The following SUGCT variants were observed in gnomAD, a reference collection of about 807,000 sequenced individuals.
SUGCT encodes succinyl-CoA:glutarate-CoA transferase, also known as succinyl-CoA:glutarate CoA-transferase.
A neutral mutation model predicts 55.0 loss-of-function variants in SUGCT; 41 were observed. The observed-to-expected ratio is 0.74, with a 90% CI of 0.58 to 0.97. The LOEUF is 0.97. Ranked by LOEUF, SUGCT falls within the 50% of genes least tolerant of loss-of-function variation. The probability of loss-of-function intolerance (pLI) is 0.00; values close to 1 mark genes in which losing one functional copy is unlikely to be tolerated. For synonymous variants in SUGCT, 187 were observed against 200.4 expected, an observed-to-expected ratio of 0.93 and a Z score of 0.56; for missense variants, 568 against 547.8, an observed-to-expected ratio of 1.04 and a Z score of -0.37.
intron 13 of SUGCT, among the ~76,000 whole-genome samples, chr7:40,762,645 C>G (rs1356296680): frequency 6.6e-6 from 1 of 152,026 alleles, no homozygotes; most frequent in Non-Finnish European, 1.5e-5. Flanking sequence ...GATTATTTTT[C>G]TTTAAAAAGG....
chr7:41,031,023 A>C, the SUGCT span, among the ~76,000 whole-genome samples: 70,681 of 151,878 alleles, frequency 0.47, 16,650 homozygotes, highest in East Asian at 0.56. Context: ...GTGCAGTGAC[A>C]CGATCTCAGC....
At chr7:40,711,351 A>C (rs1785709298) in intron 12 of SUGCT, among the ~76,000 whole-genome samples, 1 of 152,114 alleles carries the variant, frequency 6.6e-6, no homozygotes, top group Non-Finnish European at 1.5e-5. Context: ...CTGTACTAAA[A>C]ATACAAAAAT....
intron 8 of SUGCT, among the ~76,000 whole-genome samples, chr7:40,307,983 G>A (rs1302944392): frequency 6.6e-6 from 1 of 152,188 alleles, no homozygotes; most frequent in Admixed American, 6.5e-5. Flanking sequence ...TTCTACGAAT[G>A]CTAGCCCCTT....
intron 12 of SUGCT, among the ~76,000 whole-genome samples, chr7:40,701,934 A>G (rs1278624427): frequency 6.6e-6 from 1 of 152,234 alleles, no homozygotes; most frequent in East Asian, 1.9e-4. Context: ...CTCCAAGGCC[A>G]TGGTTCTGTC....
chr7:40,415,061 A>ATCT (rs59583043), intron 9 of SUGCT, among the ~76,000 whole-genome samples: 35,236 of 63,524 alleles, frequency 0.55, 8,971 homozygotes, highest in Middle Eastern at 0.65. Flanking sequence ...AAAAAAAAAA[A>ATCT]ATCTATCTAT....
chr7:40,147,650 G>C (rs933525242), intron 1 of SUGCT, among the ~76,000 whole-genome samples: 1 of 152,216 alleles, frequency 6.6e-6, no homozygotes, highest in African/African-American at 2.4e-5. Context: ...CTTTAAGCTA[G>C]GTTGCTGGCC....
chr7:40,972,932 G>A, the SUGCT span, among the ~76,000 whole-genome samples: 1 of 152,098 alleles, frequency 6.6e-6, no homozygotes, highest in African/African-American at 2.4e-5. Context: ...GCTTTCTCAC[G>A]TATAACTATA....
intron 12 of SUGCT, among the ~76,000 whole-genome samples, chr7:40,557,513 C>T (rs1795610879): frequency 6.6e-6 from 1 of 152,190 alleles, no homozygotes; most frequent in Non-Finnish European, 1.5e-5. Flanking sequence ...TGGCTCATGC[C>T]TGTAATCCCA....
chr7:40,975,057 G>A, the SUGCT span, among the ~76,000 whole-genome samples: 2 of 152,184 alleles, frequency 1.3e-5, no homozygotes, highest in South Asian at 4.1e-4. Flanking sequence ...GTGAACAAAT[G>A]TTAATGAAAG....
chr7:40,151,304 T>A (rs1788559151), intron 1 of SUGCT, among the ~76,000 whole-genome samples: 1 of 152,108 alleles, frequency 6.6e-6, no homozygotes, highest in African/African-American at 2.4e-5. Context: ...GTTAGAAAAG[T>A]TAAGAACTGG....
At chr7:40,833,875 T>C (rs1792824336) in intron 13 of SUGCT, among the ~76,000 whole-genome samples, 1 of 152,202 alleles carries the variant, frequency 6.6e-6, no homozygotes, top group South Asian at 2.1e-4. Flanking sequence ...CCAAACTCAT[T>C]AGGATTCAAT....
chr7:40,188,706 A>C, intron 4 of SUGCT, 126 bp downstream of exon 4: 2 of 570,142 alleles, frequency 3.5e-6, no homozygotes, highest in Non-Finnish European at 6.0e-6. Context: ...ATTTCAAATA[A>C]ATTAAAATTC....
chr7:40,283,563 A>G (rs1207240985), intron 8 of SUGCT, among the ~76,000 whole-genome samples: 1 of 152,252 alleles, frequency 6.6e-6, no homozygotes, highest in East Asian at 1.9e-4. Flanking sequence ...CAAGTGGCCA[A>G]CAAGTATCTG....
At chr7:40,146,717 T>C (rs1788267763) in intron 1 of SUGCT, among the ~76,000 whole-genome samples, 1 of 152,204 alleles carries the variant, frequency 6.6e-6, no homozygotes, top group Non-Finnish European at 1.5e-5. Context: ...AACCTTCCAG[T>C]GTGGGCATCA....
intron 13 of SUGCT, among the ~76,000 whole-genome samples, chr7:40,833,569 A>C (rs1256520513): frequency 6.6e-6 from 1 of 152,212 alleles, no homozygotes; most frequent in Non-Finnish European, 1.5e-5. Flanking sequence ...AACCACTTTC[A>C]AGTTAGGAGA....
At chr7:40,559,486 C>A (rs540259033) in intron 12 of SUGCT, among the ~76,000 whole-genome samples, 6 of 152,324 alleles carry the variant, frequency 3.9e-5, no homozygotes, top group Admixed American at 3.3e-4. Context: ...AATTGTCCTA[C>A]CTGTCCCATA....
intron 12 of SUGCT, among the ~76,000 whole-genome samples, chr7:40,686,841 T>A (rs187263644): frequency 6.6e-6 from 1 of 152,296 alleles, no homozygotes; most frequent in Non-Finnish European, 1.5e-5. Flanking sequence ...CAGCTGTGGA[T>A]GGTGTTACAA....
At chr7:40,334,161 T>C (rs893988604) in intron 9 of SUGCT, among the ~76,000 whole-genome samples, 4 of 152,206 alleles carry the variant, frequency 2.6e-5, no homozygotes, top group Non-Finnish European at 5.9e-5. Flanking sequence ...TTGATGGACC[T>C]TTGGGTTGGT....
rs1787206254 is a variant in SUGCT, at chr7:40,209,511, A to G, written c.484+14451A>G. 4.9e-5 allele frequency among the ~76,000 whole-genome samples: 7 copies of G among 143,062 alleles called. No individual in the cohort carries two copies. In the Admixed American group the frequency reaches 4.9e-4, roughly 10 times the overall value. The allele number at this position is 143,062 out of a possible 152,430, so 93.9% of individuals were successfully genotyped here. On this transcript the variant is annotated intron_variant, in intron 6 of 13. Transcript: ENST00000335693. Reference sequence around the variant, plus strand: ...ACTACGTCTCAAACAAAACAAAACAAACATGCCGGGCACGGTGGCACATGC... The same window carrying G: ...ACTACGTCTCAAACAAAACAAAACAGACATGCCGGGCACGGTGGCACATGC...
Sources: gnomAD v4.1 joint callset for allele counts (sites outside exome capture counted in the v4.1 genomes callset) on GRCh38, gnomAD v4.1.1 for gene constraint, MANE v1.5 for transcripts, NCBI Gene and HGNC (gene_info 2026-07-23, HGNC 2026-07-21) for gene names.